Variants in PDE4DIP observed in about 807,000 individuals in gnomAD.
The protein encoded by PDE4DIP is phosphodiesterase 4D interacting protein.
PDE4DIP carries 59 observed loss-of-function variants against 221.4 expected under a neutral mutation model. That is an observed-to-expected ratio of 0.27 (90% confidence interval 0.22 to 0.33). The LOEUF is 0.33. PDE4DIP is among the 10% of genes least tolerant of loss of function. The pLI, the probability that PDE4DIP is intolerant of heterozygous loss-of-function variation, is 1.00. For missense variants in PDE4DIP, 1,036 were observed against 2,154.2 expected (o/e 0.48, Z 10.28); for synonymous variants, 404 against 815.9 (o/e 0.50, Z 8.60).
chr1:148,942,739 GT>G (rs1553480889), intron 5 of PDE4DIP, among the ~76,000 whole-genome samples: 1 of 120,732 alleles, frequency 8.3e-6, no homozygotes, highest in African/African-American at 3.2e-5. Flanking sequence ...CTCAATGAAG[GT>G]TTTAAATGAA....
intron 17 of PDE4DIP, among the ~76,000 whole-genome samples, chr1:148,975,407 T>A (rs1314137585): frequency 6.7e-6 from 1 of 148,354 alleles, no homozygotes; most frequent in Middle Eastern, 3.2e-3. Context: ...GTCGGCCCAA[T>A]TATTATAGAC....
intron 4 of PDE4DIP, among the ~76,000 whole-genome samples, chr1:148,933,695 A>G (rs1233708219): frequency 1.3e-5 from 2 of 152,168 alleles, no homozygotes; most frequent in African/African-American, 4.8e-5. Context: ...TCTTTCCAAG[A>G]CATAAATTTA....
chr1:148,910,304 A>T (rs1345102137), intron 1 of PDE4DIP, among the ~76,000 whole-genome samples: 1 of 97,540 alleles, frequency 1.0e-5, no homozygotes, highest in Non-Finnish European at 2.0e-5. Flanking sequence ...ATAGAAAAAA[A>T]ATTGCTCCCT....
At chr1:148,961,699 G>A in intron 6 of PDE4DIP, 138 bp from the exon 10 acceptor site, 1 of 554,570 alleles carries the variant, frequency 1.8e-6, no homozygotes. Flanking sequence ...CACTTTAATG[G>A]TTACTCTATG....
intron 26 of PDE4DIP, among the ~76,000 whole-genome samples, chr1:149,004,396 A>G (rs643201): frequency 3.0e-5 from 4 of 134,552 alleles, no homozygotes; most frequent in African/African-American, 1.1e-4. Flanking sequence ...TGATATATTT[A>G]TTTGAAGCCT....
chr1:148,934,954 T>C (rs1344305168), intron 4 of PDE4DIP, among the ~76,000 whole-genome samples: 2 of 151,942 alleles, frequency 1.3e-5, no homozygotes, highest in African/African-American at 4.8e-5. Flanking sequence ...CTGGGAATCA[T>C]GGCTCACACC....
intron 1 of PDE4DIP, among the ~76,000 whole-genome samples, chr1:148,892,408 G>A (rs1698917284): frequency 8.2e-6 from 1 of 121,984 alleles, no homozygotes. Flanking sequence ...TGGGGTGTGA[G>A]AAGGCACCAT....
intron 1 of PDE4DIP, among the ~76,000 whole-genome samples, chr1:148,822,374 C>T (rs1669507589): frequency 8.8e-6 from 1 of 114,128 alleles, no homozygotes; most frequent in African/African-American, 3.1e-5. Context: ...GCGAGCATTA[C>T]CCCTGAGCTC....
chr1:148,969,611 G>A (rs1328868706), intron 14 of PDE4DIP, among the ~76,000 whole-genome samples: 2 of 150,412 alleles, frequency 1.3e-5, no homozygotes, highest in African/African-American at 4.9e-5. Flanking sequence ...GAGTTAAGAG[G>A]GAAAAAAGAT....
chr1:148,961,329 C>G (rs1431566268), intron 6 of PDE4DIP, among the ~76,000 whole-genome samples: 1 of 152,158 alleles, frequency 6.6e-6, no homozygotes, highest in Non-Finnish European at 1.5e-5. Context: ...TGCATGCAGT[C>G]TTCCACTGTA....
intron 33 of PDE4DIP, among the ~76,000 whole-genome samples, chr1:149,017,338 C>G (rs187898749): frequency 3.8e-4 from 58 of 152,268 alleles, no homozygotes; most frequent in African/African-American, 1.3e-3. Flanking sequence ...GGCTTTGTCC[C>G]TTGCTAAAGA....
intron 1 of PDE4DIP, among the ~76,000 whole-genome samples, chr1:148,823,469 A>G (rs112862879): frequency 6.7e-6 from 1 of 149,428 alleles, no homozygotes; most frequent in Non-Finnish European, 1.5e-5. Context: ...GCCCAGAATA[A>G]TAGGCACACG....
intron 32 of PDE4DIP, among the ~76,000 whole-genome samples, chr1:149,014,818 A>G (rs1163664842): frequency 2.0e-5 from 3 of 151,660 alleles, no homozygotes; most frequent in Non-Finnish European, 4.4e-5. Flanking sequence ...AAGAGTCTGT[A>G]TGGTATCTTT....
At position 149,025,184 on chromosome 1, in the gene PDE4DIP, G is replaced by A. The variant is rs200741651; in HGVS notation, c.6325+500G>A. On this transcript the variant is annotated intron_variant, in intron 38 of 43. Coordinates refer to ENST00000369354, the Ensembl canonical transcript of PDE4DIP. The stretch of plus-strand genomic sequence containing the variant: ...TCACATAAGAAAACTTAGGTCCTGA[G>A]ATATTAACAGACAAGCGGGGATTTA... 9.9e-5 allele frequency among the ~76,000 whole-genome samples: 15 copies of A among 151,610 alleles called. No individual in the cohort carries two copies. The East Asian group carries it at 2.8e-3, about 28-fold the overall frequency.
intron 21 of PDE4DIP, chr1:148,981,774 C>T (rs1432844092): frequency 4.4e-6 from 1 of 225,894 alleles, no homozygotes; most frequent in Admixed American, 4.8e-5. Flanking sequence ...TATTCTTCCC[C>T]AACTTTCACA....
chr1:148,986,822 A>AG (rs1445602939), intron 21 of PDE4DIP, among the ~76,000 whole-genome samples: 2 of 152,298 alleles, frequency 1.3e-5, no homozygotes, highest in Non-Finnish European at 2.9e-5. Flanking sequence ...AAACATTCCT[A>AG]GAAAAACCTA....
chr1:148,898,858 G>C lies in PDE4DIP; in HGVS notation c.141+8964G>C, dbSNP rs1439671559. Among the ~76,000 whole-genome samples, 20 of 113,432 alleles carry C rather than the reference G, an allele frequency of 1.8e-4. 4 individuals are homozygous for C. The highest frequency in any genetic ancestry group is 7.4e-4 in the African/African-American group (19 of 25,614). The allele number at this position is 113,432 out of a possible 152,430, so 74.4% of individuals were successfully genotyped here. Reference sequence around the variant, plus strand: ...TCTTTTTTTTTTACTTTGAGACAGAGTCTTGCTCTGTCGGCCAGGCTGGAG... The same window carrying C: ...TCTTTTTTTTTTACTTTGAGACAGACTCTTGCTCTGTCGGCCAGGCTGGAG... On this transcript the variant is annotated intron_variant, in intron 1 of 43. Transcript: ENST00000369354.
At chr1:149,029,329 G>A (rs1442566438) in intron 41 of PDE4DIP, among the ~76,000 whole-genome samples, 1 of 152,166 alleles carries the variant, frequency 6.6e-6, no homozygotes, top group Non-Finnish European at 1.5e-5. Flanking sequence ...ATCCAACTAT[G>A]CTAATTCCAG....
intron 43 of PDE4DIP, chr1:149,030,653 G>T (rs1387113326): frequency 2.5e-6 from 2 of 812,614 alleles, no homozygotes; most frequent in African/African-American, 3.7e-5. Context: ...CTTGAGGCCA[G>T]TTATGTGTTC....
Sources: gnomAD v4.1 joint callset for allele counts (sites outside exome capture counted in the v4.1 genomes callset) on GRCh38, gnomAD v4.1.1 for gene constraint, MANE v1.5 for transcripts, NCBI Gene and HGNC (gene_info 2026-07-23, HGNC 2026-07-21) for gene names.